Variants in DTX1 observed in about 807,000 individuals in gnomAD.
The protein encoded by DTX1 is deltex E3 ubiquitin ligase 1.
In DTX1, 26 loss-of-function variants were observed where a neutral mutation model predicts 57.8. That is an observed-to-expected ratio of 0.45 (90% confidence interval 0.33 to 0.62). DTX1 has a LOEUF of 0.62. Ranked by LOEUF, DTX1 falls within the 20% of genes least tolerant of loss-of-function variation. The probability of loss-of-function intolerance (pLI) is 0.02; values close to 1 mark genes in which losing one functional copy is unlikely to be tolerated. For synonymous variants in DTX1, 398 were observed against 394.1 expected (o/e 1.01, Z -0.12); for missense variants, 704 against 895.3 (o/e 0.79, Z 2.73).
rs1566016895 is a variant in DTX1, at chr12:113,077,658, G to A, written c.494G>A (p.Arg165Gln). 2 of 1,586,116 alleles carry A rather than the reference G, an allele frequency of 1.3e-6. No individual in the cohort carries two copies. Among genetic ancestry groups the A allele is most frequent in the African/African-American group, 1.3e-5 (1 of 74,102 alleles). ...TCGCAGATGAACCGCCAGACGCGCC[G>A]GCGCCGCCGCCTGCGCCGCCGCCTG... ...SMSQMNRQTR[R>Q]RRRLRRRLDL... Residue 165 changes from arginine (R) to glutamine (Q), a missense_variant, in exon 3 of 10, where the codon CGG becomes CAG. Transcript: ENST00000548759. The surrounding 1 kb of genome is among the most constrained non-coding windows in gnomAD (Gnocchi z 7.8).
chr12:113,093,575 C>T lies in DTX1; in HGVS notation c.1040C>T (p.Pro347Leu). 1 of 1,610,844 alleles carries T rather than the reference C, an allele frequency of 6.2e-7. No homozygotes were observed. Among genetic ancestry groups the T allele is most frequent in the South Asian group, 1.1e-5 (1 of 90,860 alleles). ...ATACTGCTGTGCGCGGCCGGGCTGC[C>T]CGTGTGCCTGACGCGGGCCCCCAAG... ...TGILLCAAGL[P>L]VCLTRAPKPI... Residue 347 changes from proline to leucine, a missense_variant, in exon 5 of 10, where the codon CCC becomes CTC. By Grantham distance (98) the Pro-to-Leu change is moderately conservative (BLOSUM62 -3). This residue lies in a region of DTX1 where 299 missense variants were observed against 311.2 expected (regional missense o/e 0.96). Coordinates refer to ENST00000548759, the MANE Select transcript of DTX1 (RefSeq NM_004416.3). This position sits in a 1 kb window ranked among gnomAD's most constrained non-coding sequence, Gnocchi z 4.2.
intron 2 of DTX1, among the ~76,000 whole-genome samples, chr12:113,074,339 G>C (rs2044756290): frequency 6.6e-6 from 1 of 152,180 alleles, no homozygotes; most frequent in Non-Finnish European, 1.5e-5. Context: ...ACACACACCT[G>C]TAAGAAAGAA....
chr12:113,093,643 C>T lies in DTX1; in HGVS notation c.1108C>T (p.Pro370Ser), dbSNP rs1222444792. 6 of 1,613,688 alleles carry T rather than the reference C, an allele frequency of 3.7e-6. No individual in the cohort carries two copies. The South Asian group carries it at 5.5e-5, about 15-fold the overall frequency. ...PPPVSKSDVKPVPGVPGVCRK... is the reference protein window; with the variant it reads ...PPPVSKSDVKSVPGVPGVCRK... ...GCCCGTGAGCAAGAGCGACGTGAAG[C>T]CCGTGCCTGGCGTGCCCGGGGTGTG... Residue 370 changes from proline (P) to serine (S), a missense_variant, in exon 5 of 10, where the codon CCC becomes TCC. By Grantham distance (74) the Pro-to-Ser change is moderately conservative. Around this residue, in one of 3 missense-constraint regions of DTX1, gnomAD observed 299 missense variants for 311.2 expected, o/e 0.96. Transcript: ENST00000548759. The surrounding 1 kb of genome is among the most constrained non-coding windows in gnomAD (Gnocchi z 4.2).
chr12:113,074,304 G>C (rs1479342527), intron 2 of DTX1, among the ~76,000 whole-genome samples: 1 of 152,178 alleles, frequency 6.6e-6, no homozygotes, highest in Non-Finnish European at 1.5e-5. Context: ...ACAGCAATAG[G>C]AGGGCTGCAC....
chr12:113,093,389 C>T lies in DTX1; in HGVS notation c.1004-150C>T, dbSNP rs774141564. 1.6e-5 allele frequency: 22 copies of T among 1,339,388 alleles called. No homozygotes were observed. Among genetic ancestry groups the T allele is most frequent in the Non-Finnish European group, 2.0e-5 (20 of 1,006,084 alleles). The allele number at this position is 1,339,388 out of a possible 1,614,324, so 83.0% of individuals were successfully genotyped here. On this transcript the variant is annotated intron_variant, in intron 4 of 9. Coordinates refer to ENST00000548759, the MANE Select transcript of DTX1 (RefSeq NM_004416.3). This position sits in a 1 kb window ranked among gnomAD's most constrained non-coding sequence, Gnocchi z 4.2. ...AGGGCGGGCGTGGCCCGCAGAAAGG[C>T]CCTTCAGGGGCCTTCAAGGGGCTGA...
At position 113,095,110 on chromosome 12, in the gene DTX1, G is replaced by A. The variant is rs1169051168; in HGVS notation, c.1455G>A (p.Gly485=). The change falls in exon 8 of 10, where the codon GGG becomes GGA. Residue 485 remains glycine (G), a synonymous_variant. Coordinates refer to ENST00000548759, the MANE Select transcript of DTX1 (RefSeq NM_004416.3). The stretch of plus-strand genomic sequence containing the variant: ...AGAAGACGGGTACGCAGCCGCCTGG[G>A]AAGATGGAGTTCCACCTCATCCCCC... ...YGEKTGTQPP[G]KMEFHLIPHS... 6.2e-7 allele frequency: 1 copy of A among 1,613,850 alleles called. No individual in the cohort carries two copies. The highest frequency in any genetic ancestry group is 1.1e-5 in the South Asian group (1 of 91,078).
At chr12:113,088,883 T>G (rs879450679) in intron 3 of DTX1, among the ~76,000 whole-genome samples, 1 of 151,916 alleles carries the variant, frequency 6.6e-6, no homozygotes, top group Admixed American at 6.6e-5. Flanking sequence ...GGTGTGGTGG[T>G]GTGTGCCAGT....
intron 3 of DTX1, among the ~76,000 whole-genome samples, chr12:113,088,656 AG>A (rs1215667444): frequency 8.5e-5 from 13 of 152,228 alleles, no homozygotes; most frequent in Admixed American, 5.9e-4. Flanking sequence ...CTATGAAAAA[AG>A]AATTCAGTAA....
chr12:113,084,353 G>A (rs138351442), intron 3 of DTX1, among the ~76,000 whole-genome samples: 13 of 152,244 alleles, frequency 8.5e-5, no homozygotes, highest in African/African-American at 2.6e-4. Flanking sequence ...TCCATTTATC[G>A]AGCGCTCCCT....
chr12:113,088,438 G>A (rs997193303), intron 3 of DTX1, among the ~76,000 whole-genome samples: 7 of 152,314 alleles, frequency 4.6e-5, no homozygotes, highest in East Asian at 1.9e-4. Flanking sequence ...CAGAAGAGGC[G>A]GCGTGGACCA....
intron 3 of DTX1, among the ~76,000 whole-genome samples, chr12:113,081,297 C>CCAGCCTGGGTAA: frequency 6.6e-6 from 1 of 152,216 alleles, no homozygotes; most frequent in South Asian, 2.1e-4. Context: ...CCACTGCACT[C>CCAGCCTGGGTAA]CAGCCTGGGT....
In DTX1 at chr12:113,077,065, G is replaced by T. The variant is rs1273357534; in HGVS notation, c.260-359G>T. Among the ~76,000 whole-genome samples, 1 of 152,000 alleles carries T rather than the reference G, an allele frequency of 6.6e-6. No individual in the cohort carries two copies. Among genetic ancestry groups the T allele is most frequent in the African/African-American group, 2.4e-5 (1 of 41,370 alleles). On this transcript the variant is annotated intron_variant, in intron 2 of 9. Coordinates refer to ENST00000548759, the MANE Select transcript of DTX1 (RefSeq NM_004416.3). The surrounding 1 kb of genome is among the most constrained non-coding windows in gnomAD (Gnocchi z 7.8). ...ACACCTTGCTGGTTTCCTACCCCAGGCTATCTTGGCACCCCCACCCTGTTT... is the reference window on the plus strand; with the variant it reads ...ACACCTTGCTGGTTTCCTACCCCAGTCTATCTTGGCACCCCCACCCTGTTT...
Position 113,097,213 on chromosome 12 carries a change from A to C in DTX1, c.*274A>C. On this transcript the variant is annotated 3_prime_UTR_variant, in exon 10 of 10. Coordinates refer to ENST00000548759, the MANE Select transcript of DTX1 (RefSeq NM_004416.3). ...GACCCGCCCCCTCACACACAAACACACATGTCCTGTTGAACTCATGCACGC... is the reference window on the plus strand; with the variant it reads ...GACCCGCCCCCTCACACACAAACACCCATGTCCTGTTGAACTCATGCACGC... 2.2e-6 allele frequency: 1 copy of C among 454,502 alleles called. No homozygotes were observed. The allele number at this position is 454,502 out of a possible 1,614,324, so 28.2% of individuals were successfully genotyped here. A position where few individuals can be genotyped will look rare whatever the true frequency, so the allele number is the denominator to read the frequency against.
At chr12:113,074,475 T>G (rs910323179) in intron 2 of DTX1, among the ~76,000 whole-genome samples, 1 of 151,872 alleles carries the variant, frequency 6.6e-6, no homozygotes, top group Admixed American at 6.6e-5. Flanking sequence ...GAGGCCAGGG[T>G]GGCTGGAATG....
Position 113,093,587 on chromosome 12 carries a change from C to G in DTX1, c.1052C>G (p.Thr351Arg), listed in dbSNP as rs1417518266. The change falls in exon 5 of 10, where the codon ACG becomes AGG. Residue 351 changes from threonine to arginine, a missense_variant. Around this residue, in one of 3 missense-constraint regions of DTX1, gnomAD observed 299 missense variants for 311.2 expected, o/e 0.96. Transcript: ENST00000548759. The surrounding 1 kb of genome is among the most constrained non-coding windows in gnomAD (Gnocchi z 4.2). ...LCAAGLPVCL[T>R]RAPKPILHPP... Reference sequence around the variant, plus strand: ...GCGGCCGGGCTGCCCGTGTGCCTGACGCGGGCCCCCAAGCCCATCCTGCAC... The same window carrying G: ...GCGGCCGGGCTGCCCGTGTGCCTGAGGCGGGCCCCCAAGCCCATCCTGCAC... The G allele has an allele frequency of 6.2e-7, 1 of 1,611,290 alleles. No homozygotes were observed.
At position 113,093,505 on chromosome 12, in the gene DTX1, GC is replaced by G. The variant is rs575950489; in HGVS notation, c.1004-30del. ...GGTCGGGGGTTTGGGCGGGGATGGC[GC>G]CCCGCCCTGTGACTGCGCCCCCTAA... On this transcript the variant is annotated intron_variant, in intron 4 of 9. Coordinates refer to ENST00000548759, the MANE Select transcript of DTX1 (RefSeq NM_004416.3). This position sits in a 1 kb window ranked among gnomAD's most constrained non-coding sequence, Gnocchi z 4.2. 3 of 1,551,188 alleles carry G rather than the reference GC, an allele frequency of 1.9e-6. No homozygotes were observed. The Admixed American group carries it at 5.8e-5, about 30-fold the overall frequency.
At chr12:113,069,141 A>T (rs1436254397) in intron 2 of DTX1, among the ~76,000 whole-genome samples, 3 of 152,186 alleles carry the variant, frequency 2.0e-5, no homozygotes, top group Admixed American at 1.3e-4. Context: ...AGTGTTTATT[A>T]TCATTATTAT....
chr12:113,067,312 C>T (rs1343237676), intron 2 of DTX1, among the ~76,000 whole-genome samples: 1 of 152,050 alleles, frequency 6.6e-6, no homozygotes, highest in Non-Finnish European at 1.5e-5. Flanking sequence ...GCATTGCCCT[C>T]CCCAGCTTCC....
intron 8 of DTX1, 25 bp from the exon 9 acceptor site, chr12:113,095,300 A>G (rs1012280403): frequency 1.2e-6 from 2 of 1,613,908 alleles, no homozygotes; most frequent in Non-Finnish European, 1.7e-6. Flanking sequence ...CATGGTCTAA[A>G]TCCCTGTACT....
Sources: allele counts gnomAD v4.1 joint callset (sites outside exome capture counted in the v4.1 genomes callset), GRCh38; gene constraint gnomAD v4.1.1; regional missense constraint gnomAD v4.1.1; non-coding constraint Gnocchi (gnomAD v3.1); transcripts MANE v1.5; gene names NCBI Gene and HGNC (gene_info 2026-07-23, HGNC 2026-07-21).